STARD13: variants seen among roughly 807,000 people sequenced by gnomAD.
STARD13 encodes StAR related lipid transfer domain containing 13.
A neutral mutation model predicts 106.4 loss-of-function variants in STARD13; 62 were observed. The observed-to-expected ratio is 0.58, with a 90% CI of 0.48 to 0.72. STARD13 has a LOEUF of 0.72. STARD13 is among the 30% of genes least tolerant of loss of function. The pLI, the probability that STARD13 is intolerant of heterozygous loss-of-function variation, is 0.00. For synonymous variants in STARD13, 565 were observed against 553.0 expected (o/e 1.02, Z -0.31); for missense variants, 1,387 against 1,424.0 (o/e 0.97, Z 0.42).
intron 1 of STARD13, among the ~76,000 whole-genome samples, chr13:33,298,253 C>T (rs914990421): frequency 3.3e-5 from 5 of 151,696 alleles, no homozygotes; most frequent in Admixed American, 6.6e-5. Context: ...CCTTAGCCTC[C>T]CAAGTAGCTG....
chr13:33,339,735 G>C (rs1324924835), intron 1 of STARD13, among the ~76,000 whole-genome samples: 1 of 152,098 alleles, frequency 6.6e-6, no homozygotes, highest in Non-Finnish European at 1.5e-5. Context: ...TATGTTCATT[G>C]TAACAATAAG....
At position 33,112,866 on chromosome 13, in the gene STARD13, T is replaced by C; in HGVS notation, c.2347A>G (p.Arg783Gly). ...CACAAGAGCGTCTGCAGGACCTCCC[T>C]GTTCTCATCGGCCAGTAGCAGGATG... ...AAILLLADEN[R>G]EVLQTLLCFL... is the part of the protein sequence containing the mutation. The change falls in exon 9 of 14, where the codon AGG (arginine) becomes GGG (glycine). Residue 783 changes from arginine (R) to glycine (G), a missense_variant. By Grantham distance (125) the Arg-to-Gly change is moderately radical. Transcript: ENST00000336934. 6.2e-7 allele frequency: 1 copy of C among 1,614,012 alleles called. No homozygotes were observed. The highest frequency in any genetic ancestry group is 8.5e-7 in the Non-Finnish European group (1 of 1,179,924).
chr13:33,579,008 T>C, the STARD13 span, among the ~76,000 whole-genome samples: 4 of 151,844 alleles, frequency 2.6e-5, no homozygotes, highest in East Asian at 7.7e-4. Context: ...ACAATGGATG[T>C]TGGTGTGGAT....
At chr13:33,484,940 G>C in the STARD13 span, among the ~76,000 whole-genome samples, 1 of 152,168 alleles carries the variant, frequency 6.6e-6, no homozygotes, top group South Asian at 2.1e-4. Flanking sequence ...AATTTAAGGA[G>C]ACACTTCATC....
At chr13:33,313,202 C>T (rs956053524) in intron 1 of STARD13, among the ~76,000 whole-genome samples, 3 of 152,110 alleles carry the variant, frequency 2.0e-5, no homozygotes, top group South Asian at 2.1e-4. Context: ...GAGTGCATTG[C>T]TGTAGATATC....
the STARD13 span, among the ~76,000 whole-genome samples, chr13:33,662,526 C>T: frequency 5.3e-5 from 8 of 152,186 alleles, no homozygotes; most frequent in Non-Finnish European, 1.2e-4. Context: ...GTGCAAGTTA[C>T]ATCTGATTTT....
chr13:33,461,642 G>A, the STARD13 span, among the ~76,000 whole-genome samples: 6 of 152,122 alleles, frequency 3.9e-5, no homozygotes, highest in African/African-American at 1.4e-4. Context: ...TGCTTATTAT[G>A]GTTTTTTGCT....
chr13:33,316,812 C>T (rs1366650823), intron 1 of STARD13, among the ~76,000 whole-genome samples: 1 of 152,316 alleles, frequency 6.6e-6, no homozygotes, highest in East Asian at 1.9e-4. Context: ...TTTGTCCCCA[C>T]CGTTCATCAG....
At chr13:33,145,461 G>A (rs1880397766) in intron 3 of STARD13, among the ~76,000 whole-genome samples, 1 of 152,104 alleles carries the variant, frequency 6.6e-6, no homozygotes, top group Admixed American at 6.5e-5. Context: ...ACTTGATCTA[G>A]CAATTCCACT....
chr13:33,465,482 G>A, the STARD13 span, among the ~76,000 whole-genome samples: 2 of 152,024 alleles, frequency 1.3e-5, no homozygotes, highest in South Asian at 2.1e-4. Flanking sequence ...GATTCCAGGC[G>A]TGAGCCACCG....
intron 1 of STARD13, among the ~76,000 whole-genome samples, chr13:33,261,050 A>C (rs1256622378): frequency 6.6e-6 from 1 of 152,124 alleles, no homozygotes; most frequent in Admixed American, 6.5e-5. Context: ...TTCAAAGAAG[A>C]CTCTGGTACA....
the STARD13 span, among the ~76,000 whole-genome samples, chr13:33,477,516 T>A: frequency 6.6e-6 from 1 of 152,200 alleles, no homozygotes; most frequent in South Asian, 2.1e-4. Flanking sequence ...CTAAGCTCCA[T>A]GATGACTAAG....
the STARD13 span, among the ~76,000 whole-genome samples, chr13:33,570,942 G>A: frequency 6.6e-6 from 1 of 152,092 alleles, no homozygotes. Flanking sequence ...TATGGCTTGA[G>A]GGAGGAAATA....
At chr13:33,616,219 A>G in the STARD13 span, among the ~76,000 whole-genome samples, 4 of 142,980 alleles carry the variant, frequency 2.8e-5, 1 homozygote, top group East Asian at 8.7e-4. Flanking sequence ...AGAGGAGAGG[A>G]GAGGGAAAAG....
the STARD13 span, among the ~76,000 whole-genome samples, chr13:33,495,858 A>G: frequency 1.4e-5 from 2 of 145,662 alleles, no homozygotes; most frequent in Non-Finnish European, 3.0e-5. Context: ...ATAATTATAT[A>G]ATATATAATT....
At chr13:33,348,008 G>A (rs79626215), downstream of STARD13, among the ~76,000 whole-genome samples, 1 of 152,176 alleles carries the variant, frequency 6.6e-6, no homozygotes, top group Non-Finnish European at 1.5e-5. Flanking sequence ...GCGCCTTCAC[G>A]GAGTTGGCCT....
In STARD13 at chr13:33,299,491, TTTCTC is replaced by T. The variant is rs538996554; in HGVS notation, c.124+50794_124+50798del. On this transcript the variant is annotated intron_variant, in intron 1 of 5. Coordinates refer to the STARD13 transcript ENST00000567873. ...AAGGAACTATTAAAGACATTATTCT[TTTCTC>T]AGGATGAAGAGGAAGTGACTTTAAA... Among the ~76,000 whole-genome samples, 1,084 of 152,320 alleles carry T rather than the reference TTTCTC, an allele frequency of 7.1e-3. 14 individuals are homozygous for T. The highest frequency in any genetic ancestry group is 0.025 in the African/African-American group (1,037 of 41,568).
the STARD13 span, among the ~76,000 whole-genome samples, chr13:33,565,149 C>T: frequency 1.4e-5 from 2 of 146,764 alleles, no homozygotes; most frequent in Non-Finnish European, 3.0e-5. Context: ...CAGGTTCTCA[C>T]TTATATATGG....
chr13:33,350,450 A>C (rs201608020), exon 1 of STARD13: 1 of 1,511,720 alleles, frequency 6.6e-7, no homozygotes, highest in Non-Finnish European at 8.8e-7. Context: ...CGGGCTCTCC[A>C]CCGCCACTCC....
Sources: allele counts gnomAD v4.1 joint callset (sites outside exome capture counted in the v4.1 genomes callset), GRCh38; gene constraint gnomAD v4.1.1; transcripts MANE v1.5; gene names NCBI Gene and HGNC (gene_info 2026-07-23, HGNC 2026-07-21).